The following DTX1 variants were observed in gnomAD, a reference collection of about 807,000 sequenced individuals.
The protein encoded by DTX1 is deltex E3 ubiquitin ligase 1, also known as E3 ubiquitin-protein ligase DTX1.
A neutral mutation model predicts 57.8 loss-of-function variants in DTX1; 26 were observed. That is an observed-to-expected ratio of 0.45 (90% CI 0.33 to 0.62). DTX1 has a LOEUF of 0.62. Ranked by LOEUF, DTX1 falls within the 20% of genes least tolerant of loss-of-function variation. The pLI, the probability that DTX1 is intolerant of heterozygous loss-of-function variation, is 0.02. For synonymous variants in DTX1, 398 were observed against 394.1 expected, an observed-to-expected ratio of 1.01 and a Z score of -0.12; for missense variants, 704 against 895.3, an observed-to-expected ratio of 0.79 and a Z score of 2.73.
At chr12:113,072,189 C>T (rs916130255) in intron 2 of DTX1, among the ~76,000 whole-genome samples, 7 of 152,232 alleles carry the variant, frequency 4.6e-5, no homozygotes, top group African/African-American at 1.7e-4. Context: ...GTAGGTTGCC[C>T]GTCTCGCTTG....
At chr12:113,083,717 T>C (rs2044834558) in intron 3 of DTX1, among the ~76,000 whole-genome samples, 1 of 152,220 alleles carries the variant, frequency 6.6e-6, no homozygotes, top group Admixed American at 6.5e-5. Flanking sequence ...TCTTTCCATA[T>C]CTCTTTGTAG....
chr12:113,078,222 G>A, intron 3 of DTX1, 117 bp downstream of exon 3: 1 of 842,534 alleles, frequency 1.2e-6, no homozygotes, highest in Non-Finnish European at 1.5e-6. Context: ...ATGACGATAA[G>A]TAATATCCAG....
Position 113,057,521 on chromosome 12 carries a change from G to C in DTX1, c.-672G>C, listed in dbSNP as rs2044634719. ...CTCGTCCCCCTCGTCCCCCAGCCCA[G>C]CTCCGGAGCCGCAGTCCAGGCGCGC... is the stretch of plus-strand genomic sequence containing the variant. On this transcript the variant is annotated 5_prime_UTR_variant, in exon 2 of 10. Transcript: ENST00000548759. The C allele has an allele frequency of 7.1e-6, 1 of 141,236 alleles. No homozygotes were observed. The highest frequency in any genetic ancestry group is 2.5e-4 in the East Asian group (1 of 3,934). The allele number at this position is 141,236 out of a possible 1,614,324, so 8.7% of individuals were successfully genotyped here.
At chr12:113,061,259 C>A (rs58489579) in intron 2 of DTX1, among the ~76,000 whole-genome samples, 12,176 of 152,186 alleles carry the variant, frequency 0.08, 543 homozygotes, top group Non-Finnish European at 0.098. Context: ...TGCCAGGAAC[C>A]CCCTCCCACC....
At chr12:113,087,945 A>T (rs1367454398) in intron 3 of DTX1, among the ~76,000 whole-genome samples, 1 of 152,198 alleles carries the variant, frequency 6.6e-6, no homozygotes, top group Non-Finnish European at 1.5e-5. Flanking sequence ...TGGCCAAAGC[A>T]GGCCAATGGA....
In DTX1 at chr12:113,093,592, G is replaced by A; in HGVS notation, c.1057G>A (p.Ala353Thr). ...CGGGCTGCCCGTGTGCCTGACGCGG[G>A]CCCCCAAGCCCATCCTGCACCCGCC... is the stretch of plus-strand genomic sequence containing the variant. Reference protein sequence around the residue: ...AAGLPVCLTRAPKPILHPPPV... With the variant: ...AAGLPVCLTRTPKPILHPPPV... Residue 353 changes from alanine to threonine, a missense_variant, in exon 5 of 10, where the codon GCC (alanine) becomes ACC (threonine). This residue lies in a region of DTX1 where 299 missense variants were observed against 311.2 expected (regional missense o/e 0.96). Transcript: ENST00000548759. This position sits in a 1 kb window ranked among gnomAD's most constrained non-coding sequence, Gnocchi z 4.2. 1 of 1,611,648 alleles carries A rather than the reference G, an allele frequency of 6.2e-7. No homozygotes were observed. The highest frequency in any genetic ancestry group is 1.1e-5 in the South Asian group (1 of 90,946).
In DTX1 at chr12:113,077,689, C is replaced by A. The variant is rs753155493; in HGVS notation, c.525C>A (p.Leu175=). The change falls in exon 3 of 10, where the codon CTC becomes CTA. Residue 175 remains leucine (L), a synonymous_variant. Coordinates refer to ENST00000548759, the MANE Select transcript of DTX1 (RefSeq NM_004416.3). This position sits in a 1 kb window ranked among gnomAD's most constrained non-coding sequence, Gnocchi z 7.8. ...GCCGCCTGCGCCGCCGCCTGGACCT[C>A]GCCTACCCGCTCACCGTGGGCTCCA... ...RRRRLRRRLD[L]AYPLTVGSIP... 3 of 1,554,976 alleles carry A rather than the reference C, an allele frequency of 1.9e-6. No homozygotes were observed. The highest frequency in any genetic ancestry group is 2.3e-5 in the South Asian group (2 of 86,062).
chr12:113,091,066 C>T (rs1272656603), intron 3 of DTX1, among the ~76,000 whole-genome samples: 2 of 152,322 alleles, frequency 1.3e-5, no homozygotes, highest in East Asian at 1.9e-4. Flanking sequence ...TGAGCGCATG[C>T]TCCTCTGGGT....
chr12:113,061,151 C>A (rs2044660796), intron 2 of DTX1, among the ~76,000 whole-genome samples: 1 of 152,160 alleles, frequency 6.6e-6, no homozygotes, highest in Admixed American at 6.5e-5. Flanking sequence ...TGGTCACTTC[C>A]CCTCTCCCTC....
intron 2 of DTX1, among the ~76,000 whole-genome samples, chr12:113,062,437 T>C (rs141314991): frequency 5.9e-5 from 9 of 152,292 alleles, no homozygotes; most frequent in African/African-American, 2.2e-4. Flanking sequence ...GGTCATGAAA[T>C]ATTCTTTTTT....
intron 3 of DTX1, among the ~76,000 whole-genome samples, chr12:113,082,184 G>A (rs1004845277): frequency 2.6e-5 from 4 of 152,036 alleles, no homozygotes; most frequent in Non-Finnish European, 5.9e-5. Flanking sequence ...GATGTGGGGT[G>A]GGGGAAACTT....
chr12:113,061,792 C>A (rs538497891), intron 2 of DTX1, among the ~76,000 whole-genome samples: 1 of 152,130 alleles, frequency 6.6e-6, no homozygotes, highest in Admixed American at 6.5e-5. Flanking sequence ...GCCTCTTTCC[C>A]CGGGTTCAAG....
At chr12:113,071,283 T>A (rs1034742337) in intron 2 of DTX1, among the ~76,000 whole-genome samples, 1 of 152,240 alleles carries the variant, frequency 6.6e-6, no homozygotes, top group Admixed American at 6.5e-5. Flanking sequence ...GGGCCCAGCT[T>A]GTGCAGTCCT....
In DTX1 at chr12:113,096,839, C is replaced by T; in HGVS notation, c.1763C>T (p.Ser588Phe). The change falls in exon 10 of 10, where the codon TCC becomes TTC. Residue 588 changes from serine to phenylalanine, a missense_variant. Physicochemically the swap from Ser to Phe is radical, Grantham distance 155 (BLOSUM62 -2). Around this residue, in one of 3 missense-constraint regions of DTX1, gnomAD observed 168 missense variants for 255.6 expected, o/e 0.66. Coordinates refer to ENST00000548759, the MANE Select transcript of DTX1 (RefSeq NM_004416.3). ...NEIHHKTEFG[S>F]NLTGHGYPDA... is the part of the protein sequence containing the mutation. ...ATCCACCACAAGACCGAGTTTGGAT[C>T]CAACCTCACGGGCCACGGCTACCCG... is the stretch of plus-strand genomic sequence containing the variant. 6.2e-7 allele frequency: 1 copy of T among 1,613,976 alleles called. No homozygotes were observed. The highest frequency in any genetic ancestry group is 8.5e-7 in the Non-Finnish European group (1 of 1,180,038).
rs564043641 is a variant in DTX1 at position 113,071,214 on chromosome 12, C to T, written c.260-6210C>T. Among the ~76,000 whole-genome samples, 3 of 152,326 alleles carry T rather than the reference C, an allele frequency of 2.0e-5. No individual in the cohort carries two copies. In the South Asian group the frequency reaches 6.2e-4, roughly 32 times the overall value. ...ATCCTGCTGTCACCCTGTCTCTGCCCCAGGCATGAAGCAGTCACTGGCAGC... is the reference window on the plus strand; with the variant it reads ...ATCCTGCTGTCACCCTGTCTCTGCCTCAGGCATGAAGCAGTCACTGGCAGC... On this transcript the variant is annotated intron_variant, in intron 2 of 9. Transcript: ENST00000548759.
intron 6 of DTX1, 114 bp from the exon 7 acceptor site, chr12:113,094,675 T>C: frequency 3.7e-6 from 5 of 1,363,076 alleles, no homozygotes; most frequent in Non-Finnish European, 5.0e-6. Flanking sequence ...CTTTGCCAAA[T>C]GGGTACCAGA....
At chr12:113,060,337 G>C (rs1414679770) in intron 2 of DTX1, among the ~76,000 whole-genome samples, 2 of 152,160 alleles carry the variant, frequency 1.3e-5, no homozygotes, top group African/African-American at 4.8e-5. Flanking sequence ...TGAAGGTCCT[G>C]GTGTGGTCAG....
intron 2 of DTX1, among the ~76,000 whole-genome samples, chr12:113,070,229 T>C (rs530504985): frequency 6.6e-6 from 1 of 152,248 alleles, no homozygotes; most frequent in East Asian, 1.9e-4. Context: ...GCTCTCTGAG[T>C]GTGGATGGCT....
Position 113,093,038 on chromosome 12 carries a change from G to T in DTX1, c.942-124G>T. The T allele has an allele frequency of 1.8e-6, 1 of 564,686 alleles. No individual in the cohort carries two copies. The highest frequency in any genetic ancestry group is 2.7e-6 in the Non-Finnish European group (1 of 372,284). 35.0% of individuals were successfully genotyped at this position (564,686 alleles called of 1,614,324 possible). A position where few individuals can be genotyped will look rare whatever the true frequency, so the allele number is the denominator to read the frequency against. On this transcript the variant is annotated intron_variant, in intron 3 of 9. Coordinates refer to ENST00000548759, the MANE Select transcript of DTX1 (RefSeq NM_004416.3). This position sits in a 1 kb window ranked among gnomAD's most constrained non-coding sequence, Gnocchi z 4.2. ...GAGTTTCCTGGAGGTAACTGCAGTTGGCAGAGAGGTACAAAGAGGCCAGGG... is the reference window on the plus strand; with the variant it reads ...GAGTTTCCTGGAGGTAACTGCAGTTTGCAGAGAGGTACAAAGAGGCCAGGG...
Sources: gnomAD v4.1 joint callset for allele counts (sites outside exome capture counted in the v4.1 genomes callset) on GRCh38, gnomAD v4.1.1 for gene constraint, gnomAD v4.1.1 regional missense constraint, Gnocchi (gnomAD v3.1) non-coding constraint, MANE v1.5 for transcripts, NCBI Gene and HGNC (gene_info 2026-07-23, HGNC 2026-07-21) for gene names.